Variants in SCP2 observed in about 807,000 individuals in gnomAD.
SCP2 encodes the protein SCP-2/3-oxoacyl-CoA thiolase.
SCP2 carries 48 observed loss-of-function variants against 71.4 expected under a neutral mutation model. The observed-to-expected ratio is 0.67, with a 90% CI of 0.53 to 0.86. SCP2 has a LOEUF of 0.86. Ranked by LOEUF, SCP2 falls within the 40% of genes least tolerant of loss-of-function variation. The pLI is 0.00. For missense variants in SCP2, 560 were observed against 655.6 expected, an observed-to-expected ratio of 0.85 and a Z score of 1.59; for synonymous variants, 220 against 218.1, an observed-to-expected ratio of 1.01 and a Z score of -0.08.
intron 11 of SCP2, among the ~76,000 whole-genome samples, chr1:52,991,207 T>A (rs1659465314): frequency 1.3e-5 from 2 of 152,180 alleles, no homozygotes; most frequent in East Asian, 1.9e-4. Context: ...GTACCTACCT[T>A]ATAAGGCTGT....
At chr1:52,994,728 G>C in intron 11 of SCP2, 2 of 713,730 alleles carry the variant, frequency 2.8e-6, no homozygotes, top group Non-Finnish European at 4.6e-6. Context: ...TTTTAACCAT[G>C]AGGGAAATCG....
chr1:52,960,480 A>ATATGTGTGTGTGTGTG (rs1287812730), intron 5 of SCP2, among the ~76,000 whole-genome samples: 19 of 139,536 alleles, frequency 1.4e-4, no homozygotes, highest in African/African-American at 5.2e-4. Flanking sequence ...TACTATGTAT[A>ATATGTGTGTGTGTGTG]TGTGTGTGTG....
Position 52,987,007 on chromosome 1 carries a change from T to TATATATATATA in SCP2, c.974-1022_974-1021insATATATATATA, listed in dbSNP as rs1491431026. On this transcript the variant is annotated intron_variant, in intron 10 of 15. Coordinates refer to ENST00000371514, the MANE Select transcript of SCP2 (RefSeq NM_002979.5). Reference sequence around the variant, plus strand: ...TTCTGTATATATATATATATATATATTTTTTTTTTTTTTTTTTTGAGACAG... The same window carrying TATATATATATA: ...TTCTGTATATATATATATATATATATATATATATATATTTTTTTTTTTTTTTTTTGAGACAG... 2.7e-3 allele frequency among the ~76,000 whole-genome samples: 169 copies of TATATATATATA among 62,610 alleles called. 2 individuals carry two copies. In the East Asian group the frequency reaches 0.053, roughly 20 times the overall value. 41.1% of individuals were successfully genotyped at this position (62,610 alleles called of 152,430 possible). A position where few individuals can be genotyped will look rare whatever the true frequency, so the allele number is the denominator to read the frequency against.
intron 11 of SCP2, among the ~76,000 whole-genome samples, chr1:52,990,819 T>G (rs1659431466): frequency 2.0e-5 from 3 of 151,942 alleles, no homozygotes; most frequent in Admixed American, 1.3e-4. Context: ...AATGCTCAGT[T>G]AGCCAAGGAA....
At chr1:52,965,961 A>G (rs1414790819) in intron 6 of SCP2, among the ~76,000 whole-genome samples, 1 of 151,924 alleles carries the variant, frequency 6.6e-6, no homozygotes, top group East Asian at 1.9e-4. Flanking sequence ...TGAGTTTTAT[A>G]TATTAATCTT....
At chr1:53,014,484 T>C (rs973605447) in intron 11 of SCP2, among the ~76,000 whole-genome samples, 1 of 146,542 alleles carries the variant, frequency 6.8e-6, no homozygotes, top group African/African-American at 2.7e-5. Context: ...AACAACTCAT[T>C]GTTGTTGGGA....
At chr1:52,993,115 G>T in intron 11 of SCP2, 3 of 1,459,240 alleles carry the variant, frequency 2.1e-6, no homozygotes, top group African/African-American at 1.4e-5. Flanking sequence ...GGCTAGAAAG[G>T]TACCAACAAG....
intron 11 of SCP2, among the ~76,000 whole-genome samples, chr1:53,008,662 C>CTT (rs1467078778): frequency 9.2e-5 from 14 of 152,172 alleles, no homozygotes; most frequent in Non-Finnish European, 2.1e-4. Context: ...GACAAACCCA[C>CTT]AGCCAATATC....
chr1:52,990,903 T>C (rs1212347777), intron 11 of SCP2, among the ~76,000 whole-genome samples: 1 of 152,184 alleles, frequency 6.6e-6, no homozygotes, highest in East Asian at 1.9e-4. Flanking sequence ...TCCTTCAGAT[T>C]TGGCTGTTAC....
chr1:53,026,746 T>A (rs1392428316), intron 12 of SCP2, among the ~76,000 whole-genome samples: 1 of 151,978 alleles, frequency 6.6e-6, no homozygotes, highest in Admixed American at 6.6e-5. Flanking sequence ...AGTTCGAGGT[T>A]ACAGTAAGCT....
chr1:53,041,481 T>C (rs1663429874), intron 14 of SCP2, among the ~76,000 whole-genome samples: 2 of 152,090 alleles, frequency 1.3e-5, no homozygotes, highest in Non-Finnish European at 2.9e-5. Flanking sequence ...CTTTTAAATA[T>C]ACATTAGAGC....
chr1:52,969,194 G>A (rs1257297902), intron 6 of SCP2, among the ~76,000 whole-genome samples: 1 of 151,712 alleles, frequency 6.6e-6, no homozygotes, highest in Non-Finnish European at 1.5e-5. Context: ...GTGGACCCAT[G>A]CAGCTTAAAC....
At chr1:53,014,739 G>A in intron 11 of SCP2, 151 bp from the exon 12 acceptor site, 1 of 818,736 alleles carries the variant, frequency 1.2e-6, no homozygotes. Flanking sequence ...ATAACTAGCT[G>A]CAAAACCCTT....
intron 1 of SCP2, among the ~76,000 whole-genome samples, chr1:52,939,524 C>T (rs796544081): frequency 2.0e-4 from 31 of 152,210 alleles, no homozygotes; most frequent in African/African-American, 7.5e-4. Flanking sequence ...CCAGCCTGGG[C>T]AACAGAGTGA....
At chr1:52,969,841 A>T (rs1026781609) in intron 6 of SCP2, among the ~76,000 whole-genome samples, 51 of 151,952 alleles carry the variant, frequency 3.4e-4, no homozygotes, top group Middle Eastern at 6.8e-3. Flanking sequence ...ACAAACAAAC[A>T]AACAAAAAAA....
At chr1:53,026,286 T>C (rs928533626) in intron 12 of SCP2, among the ~76,000 whole-genome samples, 4 of 152,212 alleles carry the variant, frequency 2.6e-5, no homozygotes, top group Non-Finnish European at 5.9e-5. Context: ...CTTTTGATTA[T>C]TCTCTTTTTG....
At chr1:52,964,471 A>T (rs1018869214) in intron 6 of SCP2, among the ~76,000 whole-genome samples, 1 of 151,456 alleles carries the variant, frequency 6.6e-6, no homozygotes, top group Non-Finnish European at 1.5e-5. Context: ...AAGTGCTGGG[A>T]TTACAGGTGT....
At chr1:53,034,260 A>G (rs1662760852) in intron 13 of SCP2, among the ~76,000 whole-genome samples, 1 of 151,864 alleles carries the variant, frequency 6.6e-6, no homozygotes, top group Non-Finnish European at 1.5e-5. Flanking sequence ...TGGGTGACAG[A>G]GTGACTCCAT....
At position 52,978,367 on chromosome 1, in the gene SCP2, G is replaced by A; in HGVS notation, c.825G>A (p.Met275Ile). 1.9e-6 allele frequency: 3 copies of A among 1,610,876 alleles called. No individual in the cohort carries two copies. The highest frequency in any genetic ancestry group is 2.5e-6 in the Non-Finnish European group (3 of 1,177,172). The change falls in exon 9 of 16, where the codon ATG becomes ATA. Residue 275 changes from methionine to isoleucine, a missense_variant and splice_region_variant. By Grantham distance (10) the Met-to-Ile change is conservative. This residue lies in a region of SCP2 where 513 missense variants were observed against 573.1 expected (regional missense o/e 0.90). Transcript: ENST00000371514. ...TTGAAGAAAAAAGCATTATTAAAATGGTATGTCTGAGATTCTATTTGTTAT... is the reference window on the plus strand; with the variant it reads ...TTGAAGAAAAAAGCATTATTAAAATAGTATGTCTGAGATTCTATTTGTTAT... Reference protein sequence around the residue: ...SSFEEKSIIKMVGFDMSKEAA... With the variant: ...SSFEEKSIIKIVGFDMSKEAA...
Sources: gnomAD v4.1 joint callset for allele counts (sites outside exome capture counted in the v4.1 genomes callset) on GRCh38, gnomAD v4.1.1 for gene constraint, gnomAD v4.1.1 regional missense constraint, MANE v1.5 for transcripts, NCBI Gene and HGNC (gene_info 2026-07-23, HGNC 2026-07-21) for gene names.